AMZ1: variants seen among roughly 807,000 people sequenced by gnomAD.
The protein encoded by AMZ1 is archaemetzincin-1.
A neutral mutation model predicts 29.9 loss-of-function variants in AMZ1; 39 were observed. The observed-to-expected ratio is 1.30, with a 90% confidence interval of 1.01 to 1.70. AMZ1 has a LOEUF of 1.70. Among genes scored for constraint, AMZ1 ranks in the 40% most tolerant of loss-of-function variants. The probability of loss-of-function intolerance (pLI) is 0.00; values close to 1 mark genes in which losing one functional copy is unlikely to be tolerated. For missense variants in AMZ1, 1,041 were observed against 680.6 expected, an observed-to-expected ratio of 1.53 and a Z score of -5.89; for synonymous variants, 458 against 304.0, an observed-to-expected ratio of 1.51 and a Z score of -5.27.
At chr7:2,762,654 C>A (rs1037564291), upstream of AMZ1, 2 of 1,598,858 alleles carry the variant, frequency 1.3e-6, no homozygotes, top group Admixed American at 1.7e-5. Context: ...AGCGGCAGGA[C>A]GATGAGAGGA....
At position 2,741,040 on chromosome 7, in the gene AMZ1, G is replaced by A. The variant is rs1034835984; in HGVS notation, n.551-23672G>A. Among the ~76,000 whole-genome samples, 12 of 147,424 alleles carry A rather than the reference G, an allele frequency of 8.1e-5. No homozygotes were observed. In the East Asian group the frequency reaches 1.4e-3, roughly 17 times the overall value. The stretch of plus-strand genomic sequence containing the variant: ...TGCCTGGGCGACAGAGCGAGACTCC[G>A]TCTCAAAACAAACAAACAAACAAAC... On this transcript the variant is annotated intron_variant and non_coding_transcript_variant, in intron 4 of 4. Transcript: ENST00000489665.
chr7:2,735,713 A>C (rs1382536540), intron 4 of AMZ1, among the ~76,000 whole-genome samples: 3 of 152,206 alleles, frequency 2.0e-5, no homozygotes, highest in Non-Finnish European at 4.4e-5. Context: ...CTTGGAATGC[A>C]GGAAAACTTA....
intron 3 of AMZ1, among the ~76,000 whole-genome samples, chr7:2,706,051 C>T (rs115681759): frequency 0.011 from 1,724 of 152,368 alleles, 44 homozygotes; most frequent in African/African-American, 0.039. Flanking sequence ...CTGTTTTCCC[C>T]AGCCCCACAC....
chr7:2,698,661 A>AC (rs1247209231), intron 1 of AMZ1, among the ~76,000 whole-genome samples: 1 of 151,838 alleles, frequency 6.6e-6, no homozygotes, highest in Non-Finnish European at 1.5e-5. Context: ...ACATAGTGAG[A>AC]CCCCCGTCTC....
chr7:2,692,210 C>T (rs1787434636), intron 1 of AMZ1, among the ~76,000 whole-genome samples: 1 of 152,196 alleles, frequency 6.6e-6, no homozygotes, highest in South Asian at 2.1e-4. Flanking sequence ...GGTGGGACCA[C>T]ACCCATCTCA....
chr7:2,684,363 T>C (rs971686142), upstream of AMZ1, among the ~76,000 whole-genome samples: 2 of 152,250 alleles, frequency 1.3e-5, no homozygotes, highest in Admixed American at 6.5e-5. Flanking sequence ...TAAGGTCCCA[T>C]TCTGATGGTG....
intron 2 of AMZ1, among the ~76,000 whole-genome samples, chr7:2,701,854 A>G (rs1291497336): frequency 6.6e-6 from 1 of 152,122 alleles, no homozygotes; most frequent in East Asian, 1.9e-4. Context: ...CGTTGGTCTC[A>G]GCATCCACCA....
chr7:2,712,855 C>A lies in AMZ1; in HGVS notation c.1474C>A (p.Pro492Thr). The change falls in exon 7 of 7, where the codon CCC becomes ACC. Residue 492 changes from proline (P) to threonine (T), a missense_variant. Coordinates refer to ENST00000683327, the MANE Select transcript of AMZ1 (RefSeq NM_001384743.1). The part of the protein sequence containing the change: ...KLARAESAPR[P>T]WDGEES ...CGCCAGAGCAGAGTCGGCCCCCCGTCCCTGGGATGGGGAAGAGAGTTAGTA... is the reference window on the plus strand; with the variant it reads ...CGCCAGAGCAGAGTCGGCCCCCCGTACCTGGGATGGGGAAGAGAGTTAGTA... The A allele has an allele frequency of 6.6e-7, 1 of 1,523,318 alleles. No homozygotes were observed. Among genetic ancestry groups the A allele is most frequent in the South Asian group, 1.3e-5 (1 of 76,532 alleles). 94.4% of individuals were successfully genotyped at this position (1,523,318 alleles called of 1,614,324 possible). A position where few individuals can be genotyped will look rare whatever the true frequency, so the allele number is the denominator to read the frequency against.
At chr7:2,690,796 A>C (rs1364330793) in intron 1 of AMZ1, among the ~76,000 whole-genome samples, 1 of 152,094 alleles carries the variant, frequency 6.6e-6, no homozygotes, top group Admixed American at 6.6e-5. Context: ...GTTTGGGCCC[A>C]AGTCACACCT....
Position 2,731,499 on chromosome 7 carries a change from G to T in AMZ1, n.550+21683G>T. On this transcript the variant is annotated intron_variant and non_coding_transcript_variant, in intron 4 of 4. Coordinates refer to the AMZ1 transcript ENST00000489665. The surrounding 1 kb of genome is among the most constrained non-coding windows in gnomAD (Gnocchi z 6.0). ...GCTTGTTGTTGACGATGGTCTCGAA[G>T]ATGTTCATGGACTCCACCAGCCGGT... 1 of 1,613,774 alleles carries T rather than the reference G, an allele frequency of 6.2e-7. No homozygotes were observed. Among genetic ancestry groups the T allele is most frequent in the Non-Finnish European group, 8.5e-7 (1 of 1,179,794 alleles).
chr7:2,734,909 C>T (rs1304531605), intron 4 of AMZ1, among the ~76,000 whole-genome samples: 1 of 152,166 alleles, frequency 6.6e-6, no homozygotes, highest in Non-Finnish European at 1.5e-5. Flanking sequence ...CCAGGGTGAA[C>T]GTACCCCAAG....
intron 3 of AMZ1, among the ~76,000 whole-genome samples, chr7:2,707,313 A>C (rs1788417053): frequency 6.6e-6 from 1 of 151,596 alleles, no homozygotes; most frequent in Non-Finnish European, 1.5e-5. Flanking sequence ...CACACAGAAC[A>C]ACCTCCTTGT....
rs1279304009 is a variant in AMZ1 at position 2,731,134 on chromosome 7, C to T, written n.550+21318C>T. The T allele has an allele frequency of 5.3e-6, 7 of 1,315,228 alleles. No individual in the cohort carries two copies. The highest frequency in any genetic ancestry group is 6.4e-6 in the Non-Finnish European group (6 of 931,846). The allele number at this position is 1,315,228 out of a possible 1,614,324, so 81.5% of individuals were successfully genotyped here. A position where few individuals can be genotyped will look rare whatever the true frequency, so the allele number is the denominator to read the frequency against. On this transcript the variant is annotated intron_variant and non_coding_transcript_variant, in intron 4 of 4. Coordinates refer to the AMZ1 transcript ENST00000489665. The surrounding 1 kb of genome is among the most constrained non-coding windows in gnomAD (Gnocchi z 6.0). ...AACACACACCCAAGAGTCTGACCGA[C>T]AGCCGTGGGGGCTGCTCAACGACGA...
downstream of AMZ1, among the ~76,000 whole-genome samples, chr7:2,720,081 G>C (rs1328810919): frequency 6.6e-6 from 1 of 152,232 alleles, no homozygotes; most frequent in South Asian, 2.1e-4. Flanking sequence ...GCAATTCCTT[G>C]CATTTGAGAA....
chr7:2,735,486 C>T (rs1790122974), intron 4 of AMZ1, among the ~76,000 whole-genome samples: 1 of 152,112 alleles, frequency 6.6e-6, no homozygotes, highest in Non-Finnish European at 1.5e-5. Context: ...AGTACGGACG[C>T]AAGGGGAAAA....
intron 1 of AMZ1, among the ~76,000 whole-genome samples, chr7:2,696,451 G>T (rs560545578): frequency 6.6e-6 from 1 of 150,838 alleles, no homozygotes; most frequent in South Asian, 2.1e-4. Flanking sequence ...TAGAGACGGG[G>T]TTTCACCATG....
chr7:2,751,399 GAA>G (rs67434697), intron 4 of AMZ1, among the ~76,000 whole-genome samples: 2,110 of 101,222 alleles, frequency 0.021, 67 homozygotes, highest in African/African-American at 0.072. Flanking sequence ...AAAGAAAAAA[GAA>G]AAAAAAAAAA....
chr7:2,741,208 C>T (rs547732171), intron 4 of AMZ1, among the ~76,000 whole-genome samples: 1 of 152,276 alleles, frequency 6.6e-6, no homozygotes, highest in East Asian at 1.9e-4. Flanking sequence ...AGCACCTAGA[C>T]TAGGTGTGGC....
chr7:2,720,594 G>A (rs1486336658), downstream of AMZ1, among the ~76,000 whole-genome samples: 6 of 151,956 alleles, frequency 3.9e-5, no homozygotes, highest in East Asian at 9.7e-4. Context: ...TAGTAGAGAC[G>A]GGGTTTTACC....
Sources: gnomAD v4.1 joint callset for allele counts (sites outside exome capture counted in the v4.1 genomes callset) on GRCh38, gnomAD v4.1.1 for gene constraint, Gnocchi (gnomAD v3.1) non-coding constraint, MANE v1.5 for transcripts, NCBI Gene and HGNC (gene_info 2026-07-23, HGNC 2026-07-21) for gene names.